Variants in SLC38A10 observed in about 807,000 individuals in gnomAD.
The protein encoded by SLC38A10 is solute carrier family 38 member 10, also known as Sodium-coupled neutral amino acid transporter 10.
In SLC38A10, 53 loss-of-function variants were observed where a neutral mutation model predicts 81.0. The ratio of observed to expected loss-of-function variants is 0.65; its 90% confidence interval spans 0.53 to 0.82. The LOEUF (loss-of-function observed/expected upper bound fraction) is 0.82, where lower values mean the gene tolerates loss of function less well. Ranked by LOEUF, SLC38A10 falls within the 40% of genes least tolerant of loss-of-function variation. The pLI is 0.00. For synonymous variants in SLC38A10, 665 were observed against 655.3 expected (o/e 1.01, Z -0.23); for missense variants, 1,471 against 1,545.0 (o/e 0.95, Z 0.80).
rs573768302 is a variant in SLC38A10 at position 81,266,345 on chromosome 17, C to T, written c.1131+4573G>A. Among the ~76,000 whole-genome samples the T allele has an allele frequency of 4.5e-4, 68 of 152,310 alleles. 1 individual carries two copies. Among genetic ancestry groups the T allele is most frequent in the African/African-American group, 1.4e-3 (60 of 41,566 alleles). ...TAGAAAATCCAGGGGGAGGGCCGGA[C>T]GCGGTGGCTCACGCCTGTAATCCCA... On this transcript the variant is annotated intron_variant, in intron 10 of 15. Coordinates refer to ENST00000374759, the MANE Select transcript of SLC38A10 (RefSeq NM_001037984.3).
At chr17:81,282,473 G>C (rs1349517269) in intron 4 of SLC38A10, 141 bp from the exon 5 acceptor site, 1 of 1,205,022 alleles carries the variant, frequency 8.3e-7, no homozygotes, top group South Asian at 1.5e-5. Flanking sequence ...TCTGAGGCTG[G>C]CACACTCGCC....
intron 11 of SLC38A10, among the ~76,000 whole-genome samples, chr17:81,257,992 G>A (rs780799389): frequency 4.6e-5 from 7 of 152,242 alleles, no homozygotes; most frequent in African/African-American, 9.6e-5. Context: ...CGAACGGCCC[G>A]ACTCCCAGCT....
intron 1 of SLC38A10, among the ~76,000 whole-genome samples, chr17:81,290,583 T>C (rs1309140824): frequency 3.3e-5 from 5 of 152,142 alleles, no homozygotes; most frequent in Non-Finnish European, 7.4e-5. Context: ...AACAGCTCAG[T>C]GTTGCCAGGG....
intron 11 of SLC38A10, among the ~76,000 whole-genome samples, chr17:81,259,745 C>T (rs1236599693): frequency 6.6e-6 from 1 of 152,200 alleles, no homozygotes; most frequent in Non-Finnish European, 1.5e-5. Context: ...GCCACGGGGC[C>T]CCTCCTGAAG....
chr17:81,249,989 G>C, intron 14 of SLC38A10: 1 of 1,220,390 alleles, frequency 8.2e-7, no homozygotes, highest in Non-Finnish European at 1.1e-6. Flanking sequence ...CCTGGGGCAG[G>C]TGTGCCACCG....
At chr17:81,267,824 C>A (rs190438830) in intron 10 of SLC38A10, among the ~76,000 whole-genome samples, 1 of 151,894 alleles carries the variant, frequency 6.6e-6, no homozygotes, top group Admixed American at 6.6e-5. Flanking sequence ...AGAGAAAAGC[C>A]CTTAGTCACA....
intron 1 of SLC38A10, among the ~76,000 whole-genome samples, chr17:81,293,214 C>T (rs1455362849): frequency 6.6e-6 from 1 of 152,202 alleles, no homozygotes; most frequent in Admixed American, 6.5e-5. Context: ...CCAGCTACTG[C>T]TCCACATGCC....
intron 11 of SLC38A10, among the ~76,000 whole-genome samples, chr17:81,254,077 T>TCAC (rs962521825): frequency 6.0e-5 from 9 of 150,704 alleles, no homozygotes; most frequent in African/African-American, 7.4e-5. Flanking sequence ...GTCACCTCCG[T>TCAC]CACCACCACC....
At position 81,252,273 on chromosome 17, in the gene SLC38A10, CT is replaced by C; in HGVS notation, c.1866del (p.Glu624LysfsTer81). The C allele has an allele frequency of 6.2e-7, 1 of 1,605,464 alleles. No individual in the cohort carries two copies. The highest frequency in any genetic ancestry group is 8.5e-7 in the Non-Finnish European group (1 of 1,175,552). ...GGCGGTCCCCCCTTGGCCTTTTCCCCTCCACCCACCGCCAGGCCGTTCTGCT... is the reference window on the plus strand; with the variant it reads ...GGCGGTCCCCCCTTGGCCTTTTCCCCCCACCCACCGCCAGGCCGTTCTGCT... Reference protein sequence around the residue: ...SEQQNGLAVGGGEKAKGGPPP... With the variant: ...SEQQNGLAVGXGEKAKGGPPP... On this transcript the variant is annotated frameshift_variant, in exon 13 of 16. Coordinates refer to ENST00000374759, the MANE Select transcript of SLC38A10 (RefSeq NM_001037984.3). LOFTEE classifies it high-confidence loss of function.
Position 81,289,836 on chromosome 17 carries a change from T to G in SLC38A10, c.100-28A>C. ...GCAGGGTGGAGACAGGAACACATGT[T>G]CACAGCAGCAGGTGCTCCCCAGAGG... On this transcript the variant is annotated intron_variant, in intron 1 of 15. Transcript: ENST00000374759. The surrounding 1 kb of genome is among the most constrained non-coding windows in gnomAD (Gnocchi z 5.9). 6.5e-7 allele frequency: 1 copy of G among 1,545,936 alleles called. No homozygotes were observed. Among genetic ancestry groups the G allele is most frequent in the Non-Finnish European group, 8.7e-7 (1 of 1,144,270 alleles).
rs2062924911 is a variant in SLC38A10 at position 81,252,335 on chromosome 17, C to T, written c.1805G>A (p.Gly602Asp). The T allele has an allele frequency of 6.2e-7, 1 of 1,612,744 alleles. No individual in the cohort carries two copies. Among genetic ancestry groups the T allele is most frequent in the African/African-American group, 1.3e-5 (1 of 74,942 alleles). Residue 602 changes from glycine (G) to aspartate (D), a missense_variant, in exon 13 of 16, where the codon GGC becomes GAC. Gly to Asp is a moderately conservative substitution (Grantham distance 94). This residue lies in a region of SLC38A10 where 751 missense variants were observed against 717.4 expected (regional missense o/e 1.05). Coordinates refer to ENST00000374759, the MANE Select transcript of SLC38A10 (RefSeq NM_001037984.3). ...CACTGCCTGGGGCCGAGGATGCAGG[C>T]CCCTGTCTCCTGGCCCCAGGTCCTC... is the stretch of plus-strand genomic sequence containing the variant. ...AKEDLGPGDR[G>D]LHPRPQAVLS...
rs534288827 is a variant in SLC38A10 at position 81,251,613 on chromosome 17, C to G, written c.1946-1G>C. On this transcript the variant is annotated splice_acceptor_variant, in intron 13 of 15. Transcript: ENST00000374759. LOFTEE classifies it high-confidence loss of function. ...TCCGCTGGGAGGGGAGGCTTCCCAC[C>G]TGCACACACGGTGAAGACTCAGAAG... is the stretch of plus-strand genomic sequence containing the variant. The G allele has an allele frequency of 1.3e-6, 2 of 1,487,848 alleles. No homozygotes were observed. The highest frequency in any genetic ancestry group is 1.4e-5 in the African/African-American group (1 of 71,476). 92.2% of individuals were successfully genotyped at this position (1,487,848 alleles called of 1,614,324 possible).
intron 2 of SLC38A10, 24 bp from the exon 3 acceptor site, chr17:81,284,919 C>A: frequency 1.9e-6 from 3 of 1,541,060 alleles, no homozygotes; most frequent in Non-Finnish European, 2.6e-6. Flanking sequence ...AAAAGGAACA[C>A]TCAATCCAAC....
At position 81,285,151 on chromosome 17, in the gene SLC38A10, AACAG is replaced by A. The variant is rs570127769; in HGVS notation, c.218-260_218-257del. On this transcript the variant is annotated intron_variant, in intron 2 of 15. Coordinates refer to ENST00000374759, the MANE Select transcript of SLC38A10 (RefSeq NM_001037984.3). ...CTTCTTTCACTCAATCAGATTTTTT[AACAG>A]ACAAAGAGACAAGTCCCTGCGATGC... is the stretch of plus-strand genomic sequence containing the variant. 7.1e-4 allele frequency: 286 copies of A among 402,162 alleles called. 1 individual carries two copies. The highest frequency in any genetic ancestry group is 3.1e-3 in the Middle Eastern group (5 of 1,594). The allele number at this position is 402,162 out of a possible 1,614,324, so 24.9% of individuals were successfully genotyped here. A position where few individuals can be genotyped will look rare whatever the true frequency, so the allele number is the denominator to read the frequency against.
chr17:81,255,303 T>C (rs1053232045), intron 11 of SLC38A10, among the ~76,000 whole-genome samples: 1 of 152,254 alleles, frequency 6.6e-6, no homozygotes, highest in Non-Finnish European at 1.5e-5. Flanking sequence ...CTGCGGGCAA[T>C]GCACACAGCC....
Position 81,252,575 on chromosome 17 carries a change from G to A in SLC38A10, c.1565C>T (p.Pro522Leu), listed in dbSNP as rs1598381030. 1 of 1,613,510 alleles carries A rather than the reference G, an allele frequency of 6.2e-7. No homozygotes were observed. The change falls in exon 13 of 16, where the codon CCT becomes CTT. Residue 522 changes from proline to leucine, a missense_variant. Around this residue, in one of 2 missense-constraint regions of SLC38A10, gnomAD observed 720 missense variants for 827.7 expected, o/e 0.87. Transcript: ENST00000374759. ...CTTTCCGCCCGCGTGTCTGGATGGA[G>A]GTTTGTTCTCTTCTGGCACCTCTCG... Reference protein sequence around the residue: ...QDREVPEENKPPSRHAGGKAP... With the variant: ...QDREVPEENKLPSRHAGGKAP...
At chr17:81,263,294 G>T (rs1230274369) in intron 10 of SLC38A10, 5 of 152,312 alleles carry the variant, frequency 3.3e-5, no homozygotes, top group African/African-American at 7.2e-5. Context: ...AGACACGCGG[G>T]TCCAGGAAGC....
At position 81,276,915 on chromosome 17, in the gene SLC38A10, G is replaced by T; in HGVS notation, c.729+116C>A. ...CTCCAGACACTGGGATGGGAACAGA[G>T]AGAAAAACCCAGCAGCACACAGGGC... is the stretch of plus-strand genomic sequence containing the variant. On this transcript the variant is annotated intron_variant, in intron 7 of 15. Coordinates refer to ENST00000374759, the MANE Select transcript of SLC38A10 (RefSeq NM_001037984.3). The surrounding 1 kb of genome is among the most constrained non-coding windows in gnomAD (Gnocchi z 4.7). The T allele has an allele frequency of 9.6e-7, 1 of 1,042,378 alleles. No homozygotes were observed. The highest frequency in any genetic ancestry group is 1.5e-6 in the Non-Finnish European group (1 of 684,300). 64.6% of individuals were successfully genotyped at this position (1,042,378 alleles called of 1,614,324 possible).
intron 14 of SLC38A10, among the ~76,000 whole-genome samples, chr17:81,248,112 C>T (rs765376761): frequency 1.1e-4 from 16 of 152,014 alleles, no homozygotes; most frequent in South Asian, 2.1e-4. Flanking sequence ...CGCCCGCCAC[C>T]GCGCCCGGCT....
Sources: allele counts gnomAD v4.1 joint callset (sites outside exome capture counted in the v4.1 genomes callset), GRCh38; gene constraint gnomAD v4.1.1; regional missense constraint gnomAD v4.1.1; non-coding constraint Gnocchi (gnomAD v3.1); transcripts MANE v1.5; gene names NCBI Gene and HGNC (gene_info 2026-07-23, HGNC 2026-07-21).